The following POMT2 variants were observed in gnomAD, a reference collection of about 807,000 sequenced individuals.
POMT2 encodes protein O-mannosyl-transferase 2.
A neutral mutation model predicts 100.0 loss-of-function variants in POMT2; 75 were observed. The observed-to-expected ratio is 0.75, with a 90% CI of 0.62 to 0.91. The LOEUF is 0.91. POMT2 is among the 40% of genes least tolerant of loss of function. POMT2 has a pLI of 0.00. For missense variants in POMT2, 940 were observed against 955.1 expected, an observed-to-expected ratio of 0.98 and a Z score of 0.21; for synonymous variants, 378 against 374.1, an observed-to-expected ratio of 1.01 and a Z score of -0.12.
chr14:77,320,629 C>A lies in POMT2; in HGVS notation c.53G>T (p.Arg18Met). 1 of 1,592,132 alleles carries A rather than the reference C, an allele frequency of 6.3e-7. No homozygotes were observed. The highest frequency in any genetic ancestry group is 2.1e-4 in the Middle Eastern group (1 of 4,840). The part of the protein sequence containing the change: ...GLAESELRPR[R>M]GRCGPQAARA... The stretch of plus-strand genomic sequence containing the variant: ...AGCAGCCTGGGGGCCACAGCGGCCC[C>A]TCCGGGGACGCAGCTCGGACTCTGC... The change falls in exon 1 of 21, where the codon AGG becomes ATG. Residue 18 changes from arginine (R) to methionine (M), a missense_variant. Physicochemically the swap from Arg to Met is moderately conservative, Grantham distance 91 (BLOSUM62 -1). Coordinates refer to ENST00000261534, the MANE Select transcript of POMT2 (RefSeq NM_013382.7).
At chr14:77,314,878 C>T (rs1305484820) in intron 1 of POMT2, among the ~76,000 whole-genome samples, 2 of 152,216 alleles carry the variant, frequency 1.3e-5, no homozygotes, top group Non-Finnish European at 2.9e-5. Context: ...GCTGTGTACT[C>T]AAGCCAAAAG....
Position 77,301,268 on chromosome 14 carries a change from G to T in POMT2, c.657-19C>A. The T allele has an allele frequency of 6.2e-7, 1 of 1,614,000 alleles. No individual in the cohort carries two copies. Among genetic ancestry groups the T allele is most frequent in the South Asian group, 1.1e-5 (1 of 91,052 alleles). The stretch of plus-strand genomic sequence containing the variant: ...GAAGGGCCTGAAAATCAACAAGACG[G>T]AGTTCAATTTGGCAGCTGGAACCAA... On this transcript the variant is annotated intron_variant, in intron 5 of 20. Coordinates refer to ENST00000261534, the MANE Select transcript of POMT2 (RefSeq NM_013382.7).
chr14:77,278,315 AG>A, intron 20 of POMT2, 78 bp downstream of exon 20: 4 of 1,184,196 alleles, frequency 3.4e-6, no homozygotes, highest in Non-Finnish European at 4.9e-6. Context: ...AAAGCACCGC[AG>A]GGGATTCTCG....
At chr14:77,292,441 A>C (rs1203967518) in intron 9 of POMT2, among the ~76,000 whole-genome samples, 1 of 152,218 alleles carries the variant, frequency 6.6e-6, no homozygotes, top group African/African-American at 2.4e-5. Flanking sequence ...CTTACAAGGA[A>C]ACTGAAGTTA....
At chr14:77,320,326 G>A in intron 1 of POMT2, 108 bp downstream of exon 1, 6 of 1,523,332 alleles carry the variant, frequency 3.9e-6, no homozygotes, top group Non-Finnish European at 4.4e-6. Context: ...CCCCTCCACC[G>A]TGGCCCTCCT....
intron 14 of POMT2, 60 bp from the exon 15 acceptor site, chr14:77,283,933 A>C: frequency 7.1e-7 from 1 of 1,402,696 alleles, no homozygotes; most frequent in Middle Eastern, 1.8e-4. Context: ...CAGTCTGTCC[A>C]TGGTGTCCAC....
intron 20 of POMT2, 132 bp downstream of exon 20, chr14:77,278,262 T>C: frequency 1.3e-6 from 1 of 789,604 alleles, no homozygotes; most frequent in Non-Finnish European, 2.1e-6. Flanking sequence ...CCACCTGGGC[T>C]TGGGTGACGC....
intron 10 of POMT2, among the ~76,000 whole-genome samples, chr14:77,290,208 T>C (rs1200507118): frequency 6.6e-6 from 1 of 152,204 alleles, no homozygotes; most frequent in Non-Finnish European, 1.5e-5. Flanking sequence ...CACAATGGAA[T>C]AACAGACTAG....
intron 8 of POMT2, 135 bp from the exon 9 acceptor site, chr14:77,296,408 C>G: frequency 1.5e-6 from 1 of 670,616 alleles, no homozygotes; most frequent in South Asian, 1.6e-5. Context: ...TGAAGCCCAG[C>G]TACCTTCTCA....
At chr14:77,293,634 C>G (rs1890720407) in intron 9 of POMT2, among the ~76,000 whole-genome samples, 1 of 152,192 alleles carries the variant, frequency 6.6e-6, no homozygotes, top group African/African-American at 2.4e-5. Flanking sequence ...GGAAGGGCCA[C>G]TGGAGATTAT....
chr14:77,289,250 G>T (rs1890555014), intron 10 of POMT2, among the ~76,000 whole-genome samples: 1 of 151,972 alleles, frequency 6.6e-6, no homozygotes, highest in South Asian at 2.1e-4. Context: ...TAATAGCCGG[G>T]CGTGGTGGTG....
At chr14:77,292,702 T>C (rs1279192645) in intron 9 of POMT2, among the ~76,000 whole-genome samples, 1 of 152,226 alleles carries the variant, frequency 6.6e-6, no homozygotes, top group African/African-American at 2.4e-5. Flanking sequence ...CCCCATAAGA[T>C]TATAATACCA....
rs1201960470 is a variant in POMT2, at chr14:77,286,740, T to C, written c.1332+4A>G. The C allele has an allele frequency of 2.5e-6, 4 of 1,614,032 alleles. No homozygotes were observed. The highest frequency in any genetic ancestry group is 3.4e-6 in the Non-Finnish European group (4 of 1,180,002). ...TCCTACTCACATCCCCGTTGCTTAC[T>C]TACTATGCCATAGCCGGTGACCTGA... On this transcript the variant is annotated splice_donor_region_variant and intron_variant, in intron 12 of 20. Transcript: ENST00000261534.
chr14:77,298,232 G>C (rs1207005721), intron 8 of POMT2, among the ~76,000 whole-genome samples: 1 of 152,206 alleles, frequency 6.6e-6, no homozygotes, highest in East Asian at 1.9e-4. Flanking sequence ...AATCCCCAGA[G>C]CTGTGCTCCC....
chr14:77,310,064 G>A (rs771473155), intron 2 of POMT2, among the ~76,000 whole-genome samples: 1 of 152,186 alleles, frequency 6.6e-6, no homozygotes, highest in Non-Finnish European at 1.5e-5. Context: ...AAAAAAGAAC[G>A]GGCAGTCCCC....
chr14:77,287,052 C>T (rs766548491), intron 11 of POMT2: 9 of 800,778 alleles, frequency 1.1e-5, no homozygotes, highest in East Asian at 3.5e-5. Flanking sequence ...GAGCACTGGA[C>T]GGCATGCCAA....
rs551694612 is a variant in POMT2, at chr14:77,280,650, G to GA, written c.1654-188dup. ...TACGACACTTGCTTTACTTCTCCCA[G>GA]ACAAGCCTCCATCTCCCATAAGGGG... On this transcript the variant is annotated intron_variant, in intron 15 of 20. Coordinates refer to ENST00000261534, the MANE Select transcript of POMT2 (RefSeq NM_013382.7). Among the ~76,000 whole-genome samples, 131 of 152,268 alleles carry GA rather than the reference G, an allele frequency of 8.6e-4. 1 individual carries two copies. Among genetic ancestry groups the GA allele is most frequent in the African/African-American group, 2.9e-3 (120 of 41,546 alleles).
Position 77,320,856 on chromosome 14 carries a change from C to G in POMT2, c.-175G>C, listed in dbSNP as rs1326113633. ...CGGGGCGGGCAGCGTGGTCGCGGCC[C>G]GGGCCGCTAGGAGGCGGCAGGAGGC... On this transcript the variant is annotated 5_prime_UTR_variant, in exon 1 of 21. Transcript: ENST00000261534. 1 of 1,274,854 alleles carries G rather than the reference C, an allele frequency of 7.8e-7. No individual in the cohort carries two copies. Among genetic ancestry groups the G allele is most frequent in the African/African-American group, 1.6e-5 (1 of 62,504 alleles). 79.0% of individuals were successfully genotyped at this position (1,274,854 alleles called of 1,614,324 possible). A position where few individuals can be genotyped will look rare whatever the true frequency, so the allele number is the denominator to read the frequency against.
In POMT2 at chr14:77,320,593, C is replaced by G; in HGVS notation, c.89G>C (p.Gly30Ala). 6.3e-7 allele frequency: 1 copy of G among 1,583,022 alleles called. No individual in the cohort carries two copies. The highest frequency in any genetic ancestry group is 8.5e-7 in the Non-Finnish European group (1 of 1,172,106). ...CACAGCCTCAGCGGCCACGTCCCGGCCTGCGGCCCTAGCAGCCTGGGGGCC... is the reference window on the plus strand; with the variant it reads ...CACAGCCTCAGCGGCCACGTCCCGGGCTGCGGCCCTAGCAGCCTGGGGGCC... ...RCGPQAARAAGRDVAAEAVAR... is the reference protein window; with the variant it reads ...RCGPQAARAAARDVAAEAVAR... Residue 30 changes from glycine to alanine, a missense_variant, in exon 1 of 21, where the codon GGC (glycine) becomes GCC (alanine). By Grantham distance (60) the Gly-to-Ala change is moderately conservative. Transcript: ENST00000261534.
Sources: allele counts gnomAD v4.1 joint callset (sites outside exome capture counted in the v4.1 genomes callset), GRCh38; gene constraint gnomAD v4.1.1; transcripts MANE v1.5; gene names NCBI Gene and HGNC (gene_info 2026-07-23, HGNC 2026-07-21).